Variants in TENM1 observed in about 807,000 individuals in gnomAD.
The protein encoded by TENM1 is teneurin transmembrane protein 1.
A neutral mutation model predicts 174.8 loss-of-function variants in TENM1; 35 were observed. The observed-to-expected ratio is 0.20, with a 90% CI of 0.15 to 0.27. TENM1 has a LOEUF of 0.27. Among genes scored for constraint, TENM1 ranks in the 10% least tolerant of loss-of-function variants. TENM1 has a pLI of 1.00. For synonymous variants in TENM1, 781 were observed against 798.7 expected (o/e 0.98, Z 0.37); for missense variants, 1,633 against 2,130.1 (o/e 0.77, Z 4.59).
intron 3 of TENM1, among the ~76,000 whole-genome samples, chrX:124,871,066 C>T (rs564525345): frequency 9.1e-6 from 1 of 110,478 alleles, no homozygotes; most frequent in South Asian, 3.9e-4. Flanking sequence ...AGCTATGGTC[C>T]CTCTACTGTG....
chrX:125,003,599 G>T, the TENM1 span, among the ~76,000 whole-genome samples: 14,950 of 110,644 alleles, frequency 0.14, 833 homozygotes, highest in South Asian at 0.21. Flanking sequence ...ACTTTTAGAA[G>T]CCTCAACCTC....
chrX:124,880,224 T>C (rs890938246), intron 3 of TENM1, among the ~76,000 whole-genome samples: 3 of 111,873 alleles, frequency 2.7e-5, no homozygotes, highest in African/African-American at 9.7e-5. Context: ...ATTTGGTAGT[T>C]TTCTTGGTAG....
chrX:125,153,961 T>C, the TENM1 span, among the ~76,000 whole-genome samples: 1 of 112,625 alleles, frequency 8.9e-6, no homozygotes, highest in Admixed American at 9.4e-5. Context: ...AGCTGCATTT[T>C]AATCCTCAAG....
chrX:124,881,542 T>C (rs1474744251), intron 3 of TENM1, among the ~76,000 whole-genome samples: 5 of 111,218 alleles, frequency 4.5e-5, no homozygotes, highest in Admixed American at 1.9e-4. Flanking sequence ...ATCTTTATTA[T>C]TGTGTTCTTT....
chrX:124,456,925 C>T (rs760334553), intron 22 of TENM1, among the ~76,000 whole-genome samples: 5 of 112,075 alleles, frequency 4.5e-5, no homozygotes, highest in African/African-American at 6.5e-5. Flanking sequence ...ATCAAAGGTA[C>T]AGTCTCTGGA....
the TENM1 span, among the ~76,000 whole-genome samples, chrX:125,107,421 T>C: frequency 8.9e-6 from 1 of 112,526 alleles, no homozygotes; most frequent in African/African-American, 3.2e-5. Flanking sequence ...TAAGAATATT[T>C]ACTTGATAAA....
At chrX:124,968,434 C>T (rs2356746), upstream of TENM1, among the ~76,000 whole-genome samples, 38,393 of 110,187 alleles carry the variant, frequency 0.35, 4,939 homozygotes, top group Admixed American at 0.43. Context: ...TAATTTTATG[C>T]ATGGAAACCT....
intron 27 of TENM1, among the ~76,000 whole-genome samples, chrX:124,402,292 G>C (rs1404984485): frequency 8.9e-6 from 1 of 112,106 alleles, no homozygotes; most frequent in Non-Finnish European, 1.9e-5. Flanking sequence ...GCATGCCATG[G>C]TAACACCACC....
chrX:124,995,477 A>G, the TENM1 span, among the ~76,000 whole-genome samples: 1 of 111,551 alleles, frequency 9.0e-6, no homozygotes, highest in African/African-American at 3.3e-5. Flanking sequence ...GAGTCCTAGC[A>G]TAGAATTTTT....
the TENM1 span, among the ~76,000 whole-genome samples, chrX:125,005,244 C>T: frequency 1.9e-5 from 2 of 104,143 alleles, no homozygotes; most frequent in Non-Finnish European, 3.9e-5. Flanking sequence ...AATTCTATGG[C>T]CAAATCAGTT....
chrX:124,586,746 T>A (rs1354575325), intron 11 of TENM1, among the ~76,000 whole-genome samples: 1 of 105,775 alleles, frequency 9.5e-6, no homozygotes, highest in African/African-American at 3.5e-5. Context: ...GGAAGTCAAA[T>A]TGTCCCTGTT....
intron 10 of TENM1, among the ~76,000 whole-genome samples, chrX:124,643,781 C>T (rs1006862592): frequency 9.1e-6 from 1 of 109,815 alleles, no homozygotes; most frequent in Non-Finnish European, 1.9e-5. Context: ...CCGGAGAAGA[C>T]AAATTTAAGT....
At chrX:125,095,496 TAATA>T in the TENM1 span, among the ~76,000 whole-genome samples, 1 of 112,026 alleles carries the variant, frequency 8.9e-6, no homozygotes, top group Non-Finnish European at 1.9e-5. Flanking sequence ...AAAAATTAAT[TAATA>T]CACATCTTTT....
the TENM1 span, among the ~76,000 whole-genome samples, chrX:125,016,669 C>A: frequency 9.0e-6 from 1 of 111,656 alleles, no homozygotes. Context: ...ATACTATCCC[C>A]ATCAAGCTAC....
chrX:124,572,725 T>C (rs1395873550), intron 11 of TENM1, among the ~76,000 whole-genome samples: 2 of 111,186 alleles, frequency 1.8e-5, no homozygotes, highest in Non-Finnish European at 3.8e-5. Context: ...TGCCTAGATA[T>C]TGGGGACAGC....
At chrX:125,073,331 G>A in the TENM1 span, among the ~76,000 whole-genome samples, 2 of 111,054 alleles carry the variant, frequency 1.8e-5, no homozygotes, top group Non-Finnish European at 3.8e-5. Context: ...CGTAATGGGT[G>A]ATCAACTGAA....
chrX:124,705,211 A>C (rs1448020007), exon 5 of TENM1: 2 of 1,205,360 alleles, frequency 1.7e-6, no homozygotes, highest in African/African-American at 3.5e-5. Flanking sequence ...GCTGCACTGA[A>C]GATCGCAGAG....
At chrX:124,958,684 C>T (rs973271943) in intron 1 of TENM1, among the ~76,000 whole-genome samples, 2 of 111,340 alleles carry the variant, frequency 1.8e-5, no homozygotes, top group Admixed American at 9.6e-5. Flanking sequence ...CTCACCTCTC[C>T]TTTAGCTGTG....
chrX:124,882,488 A>G (rs2057318887), intron 3 of TENM1, among the ~76,000 whole-genome samples: 1 of 111,941 alleles, frequency 8.9e-6, no homozygotes, highest in Admixed American at 9.5e-5. Flanking sequence ...TAGTCTATCA[A>G]CTATTAATCT....
Sources: allele counts gnomAD v4.1 joint callset (sites outside exome capture counted in the v4.1 genomes callset), GRCh38; gene constraint gnomAD v4.1.1; transcripts MANE v1.5; gene names NCBI Gene and HGNC (gene_info 2026-07-23, HGNC 2026-07-21).